The following ADGRB3 variants were observed in gnomAD, a reference collection of about 807,000 sequenced individuals.
ADGRB3 encodes the protein adhesion G protein-coupled receptor B3.
Under a neutral mutation model 193.4 loss-of-function variants are expected in ADGRB3, and 37 were observed. The ratio of observed to expected loss-of-function variants is 0.19; its 90% CI spans 0.15 to 0.25. The LOEUF (loss-of-function observed/expected upper bound fraction) is 0.25, where lower values mean the gene tolerates loss of function less well. Ranked by LOEUF, ADGRB3 falls within the 10% of genes least tolerant of loss-of-function variation. The probability of loss-of-function intolerance (pLI) is 1.00; values close to 1 mark genes in which losing one functional copy is unlikely to be tolerated. For synonymous variants in ADGRB3, 690 were observed against 644.2 expected (o/e 1.07, Z -1.08); for missense variants, 1,637 against 1,852.9 (o/e 0.88, Z 2.14).
chr6:68,726,955 C>A (rs757394955), intron 3 of ADGRB3, among the ~76,000 whole-genome samples: 1 of 151,518 alleles, frequency 6.6e-6, no homozygotes, highest in Admixed American at 6.6e-5. Flanking sequence ...AAACTAAGAT[C>A]TCTTGAAGCT....
At chr6:69,260,756 C>A (rs923203751) in intron 20 of ADGRB3, among the ~76,000 whole-genome samples, 4 of 152,106 alleles carry the variant, frequency 2.6e-5, no homozygotes, top group Non-Finnish European at 4.4e-5. Context: ...TATTTATATT[C>A]TCATTTCCTT....
At chr6:69,185,481 A>G (rs1765047727) in intron 17 of ADGRB3, among the ~76,000 whole-genome samples, 1 of 152,196 alleles carries the variant, frequency 6.6e-6, no homozygotes. Context: ...CACAGAACAG[A>G]ACATGGCGTA....
rs1215664574 is a variant in ADGRB3, at chr6:69,315,647, AT to A, written c.2815-9224del. Among the ~76,000 whole-genome samples the A allele has an allele frequency of 2.5e-4, 38 of 151,530 alleles. No homozygotes were observed. In the South Asian group the frequency reaches 3.5e-3, roughly 14 times the overall value. On this transcript the variant is annotated intron_variant, in intron 20 of 31. Transcript: ENST00000370598. Reference sequence around the variant, plus strand: ...GTGGTCGTCACCAAAATTTCTTTCCATAGCATAATTAATGAGTAAGCAGTTA... The same window carrying A: ...GTGGTCGTCACCAAAATTTCTTTCCAAGCATAATTAATGAGTAAGCAGTTA...
chr6:68,889,758 T>C (rs1766020272), intron 3 of ADGRB3, among the ~76,000 whole-genome samples: 1 of 152,096 alleles, frequency 6.6e-6, no homozygotes, highest in Non-Finnish European at 1.5e-5. Context: ...TGCCTCGGCC[T>C]CCCAAAGTGC....
chr6:69,226,498 G>A (rs560538929), intron 17 of ADGRB3, among the ~76,000 whole-genome samples: 1 of 152,174 alleles, frequency 6.6e-6, no homozygotes, highest in South Asian at 2.1e-4. Flanking sequence ...AGCAAAGATG[G>A]GCAAAAATCA....
At chr6:69,225,495 C>T (rs1765990083) in intron 17 of ADGRB3, among the ~76,000 whole-genome samples, 1 of 152,162 alleles carries the variant, frequency 6.6e-6, no homozygotes, top group Non-Finnish European at 1.5e-5. Context: ...AGGGAATCTG[C>T]TCTGGAGTCA....
At chr6:69,078,541 A>G (rs972426998) in intron 17 of ADGRB3, among the ~76,000 whole-genome samples, 8 of 152,026 alleles carry the variant, frequency 5.3e-5, no homozygotes, top group African/African-American at 1.7e-4. Flanking sequence ...TACACTACCT[A>G]TATTTCATTC....
chr6:69,186,412 C>T (rs1333325395), intron 17 of ADGRB3, among the ~76,000 whole-genome samples: 1 of 151,960 alleles, frequency 6.6e-6, no homozygotes, highest in African/African-American at 2.4e-5. Context: ...AAAGATGGAA[C>T]ATATGCTTAT....
At chr6:69,082,581 G>T (rs77160524) in intron 17 of ADGRB3, among the ~76,000 whole-genome samples, 9,362 of 151,620 alleles carry the variant, frequency 0.062, 359 homozygotes, top group South Asian at 0.11. Context: ...TTTAAATTTG[G>T]GTTATCGTCA....
intron 3 of ADGRB3, among the ~76,000 whole-genome samples, chr6:68,863,026 G>A (rs183231453): frequency 4.6e-5 from 7 of 151,984 alleles, no homozygotes; most frequent in South Asian, 2.1e-4. Flanking sequence ...TTCCTTTTAT[G>A]TACTACTTTT....
Position 68,661,347 on chromosome 6 carries a change from G to A in ADGRB3, c.757+21915G>A, listed in dbSNP as rs866775226. 1.4e-3 allele frequency among the ~76,000 whole-genome samples: 157 copies of A among 113,018 alleles called. 5 individuals carry two copies. The highest frequency in any genetic ancestry group is 5.0e-3 in the Middle Eastern group (1 of 202). The allele number at this position is 113,018 out of a possible 152,430, so 74.1% of individuals were successfully genotyped here. ...TGTGTATATATATATATATATGTGT[G>A]TGTGTGTGTGTGTGTGTATATATAT... On this transcript the variant is annotated intron_variant, in intron 3 of 31. Transcript: ENST00000370598.
chr6:68,754,214 G>T (rs1292130550), intron 3 of ADGRB3, among the ~76,000 whole-genome samples: 2 of 152,200 alleles, frequency 1.3e-5, no homozygotes, highest in Non-Finnish European at 2.9e-5. Context: ...CATGAGTTAG[G>T]CAGGATAGTG....
At chr6:68,873,095 A>G (rs966145489) in intron 3 of ADGRB3, among the ~76,000 whole-genome samples, 1 of 152,168 alleles carries the variant, frequency 6.6e-6, no homozygotes, top group African/African-American at 2.4e-5. Context: ...AGCAATTGGA[A>G]CATGTGATGG....
rs373855805 is a variant in ADGRB3, at chr6:68,639,458, G to A, written c.757+26G>A. The stretch of plus-strand genomic sequence containing the variant: ...GTAAGTGCCAAAGAGAGGGGAAGGT[G>A]AGCGGGGGAGCACTTTTGGGGGATG... On this transcript the variant is annotated intron_variant, in intron 3 of 31. Coordinates refer to ENST00000370598, the MANE Select transcript of ADGRB3 (RefSeq NM_001704.3). 5.1e-6 allele frequency: 8 copies of A among 1,560,606 alleles called. No homozygotes were observed. In the Admixed American group the frequency reaches 1.5e-4, roughly 30 times the overall value.
chr6:69,271,392 A>G (rs948175416), intron 20 of ADGRB3, among the ~76,000 whole-genome samples: 12 of 152,228 alleles, frequency 7.9e-5, no homozygotes, highest in African/African-American at 2.9e-4. Flanking sequence ...AGAGTGATGC[A>G]TAGATCAATG....
chr6:69,054,018 C>T (rs993226752), intron 15 of ADGRB3, among the ~76,000 whole-genome samples: 1 of 152,030 alleles, frequency 6.6e-6, no homozygotes, highest in Non-Finnish European at 1.5e-5. Context: ...TGTCGTTATC[C>T]TGTTAAGACA....
intron 3 of ADGRB3, among the ~76,000 whole-genome samples, chr6:68,859,864 TGAG>T (rs1414374871): frequency 1.3e-5 from 2 of 152,164 alleles, no homozygotes; most frequent in Non-Finnish European, 2.9e-5. Flanking sequence ...CATAAATTAT[TGAG>T]GAGCCCCAAT....
At chr6:69,011,135 ATGTGTGTGTGTGTGTG>A (rs66675226) in intron 11 of ADGRB3, among the ~76,000 whole-genome samples, 1 of 144,932 alleles carries the variant, frequency 6.9e-6, no homozygotes, top group South Asian at 2.2e-4. Flanking sequence ...ATACATATAT[ATGTGTGTGTGTGTGTG>A]TGTGTGTGTG....
At chr6:69,041,471 A>G (rs1312943179) in intron 13 of ADGRB3, among the ~76,000 whole-genome samples, 2 of 152,178 alleles carry the variant, frequency 1.3e-5, no homozygotes, top group Non-Finnish European at 2.9e-5. Context: ...CATAGTAGAA[A>G]ATGTTACGAG....
Sources: allele counts gnomAD v4.1 joint callset (sites outside exome capture counted in the v4.1 genomes callset), GRCh38; gene constraint gnomAD v4.1.1; transcripts MANE v1.5; gene names NCBI Gene and HGNC (gene_info 2026-07-23, HGNC 2026-07-21).